DPP10: variants seen among roughly 807,000 people sequenced by gnomAD.
DPP10 encodes inactive dipeptidyl peptidase 10.
In DPP10, 33 loss-of-function variants were observed where a neutral mutation model predicts 120.9. That is an observed-to-expected ratio of 0.27 (90% confidence interval 0.21 to 0.37). DPP10 has a LOEUF of 0.37. DPP10 is among the 10% of genes least tolerant of loss of function. The probability of loss-of-function intolerance (pLI) is 1.00; values close to 1 mark genes in which losing one functional copy is unlikely to be tolerated. For missense variants in DPP10, 816 were observed against 942.8 expected, an observed-to-expected ratio of 0.87 and a Z score of 1.76; for synonymous variants, 337 against 326.1, an observed-to-expected ratio of 1.03 and a Z score of -0.36.
intron 1 of DPP10, among the ~76,000 whole-genome samples, chr2:115,213,153 G>T (rs991242840): frequency 6.6e-6 from 1 of 152,136 alleles, no homozygotes; most frequent in Non-Finnish European, 1.5e-5. Context: ...CTTCACTGAG[G>T]ACTCACTGGA....
chr2:115,673,365 A>T (rs373599254), intron 5 of DPP10, among the ~76,000 whole-genome samples: 17 of 152,352 alleles, frequency 1.1e-4, no homozygotes, highest in Admixed American at 6.5e-4. Context: ...AAGGAATAAC[A>T]TAGGCTAAAA....
chr2:115,750,977 TATA>T (rs1678630312), intron 10 of DPP10, among the ~76,000 whole-genome samples: 1 of 152,148 alleles, frequency 6.6e-6, no homozygotes, highest in Admixed American at 6.6e-5. Flanking sequence ...TTGCACAAAA[TATA>T]ATATTATGGC....
intron 1 of DPP10, among the ~76,000 whole-genome samples, chr2:115,166,105 T>C (rs893927826): frequency 6.6e-6 from 1 of 152,184 alleles, no homozygotes; most frequent in Non-Finnish European, 1.5e-5. Flanking sequence ...ATACAGAAAT[T>C]GGTATTCAGT....
chr2:114,660,828 GTTTAT>G (rs1430934295), intron 1 of DPP10, among the ~76,000 whole-genome samples: 8 of 152,128 alleles, frequency 5.3e-5, no homozygotes, highest in African/African-American at 1.7e-4. Flanking sequence ...GAATTATGAA[GTTTAT>G]TTTATTTGTA....
chr2:114,502,957 A>G (rs1322190186), intron 1 of DPP10, among the ~76,000 whole-genome samples: 1 of 151,564 alleles, frequency 6.6e-6, no homozygotes, highest in Non-Finnish European at 1.5e-5. Context: ...TGAGACAGAC[A>G]GAAGATGACA....
In DPP10 at chr2:115,111,846, T is replaced by A. The variant is rs1006177068; in HGVS notation, c.61-197393T>A. ...TTTTCATTATCCTTCACTGGTAAGT[T>A]AATGAAAAGTAGAAATAATTTTCCT... is the stretch of plus-strand genomic sequence containing the variant. On this transcript the variant is annotated intron_variant, in intron 1 of 25. Transcript: ENST00000410059. Among the ~76,000 whole-genome samples, 5 of 152,352 alleles carry A rather than the reference T, an allele frequency of 3.3e-5. No individual in the cohort carries two copies. The South Asian group carries it at 1.0e-3, about 32-fold the overall frequency.
At chr2:115,029,787 A>G (rs747903230) in intron 1 of DPP10, among the ~76,000 whole-genome samples, 11 of 152,156 alleles carry the variant, frequency 7.2e-5, no homozygotes, top group Non-Finnish European at 1.5e-4. Context: ...ATCTCTTTGC[A>G]TCTTGCTTTT....
chr2:115,253,464 A>G (rs2058840454), intron 1 of DPP10, among the ~76,000 whole-genome samples: 1 of 152,164 alleles, frequency 6.6e-6, no homozygotes, highest in Non-Finnish European at 1.5e-5. Flanking sequence ...CCAAAGTTCC[A>G]TCTGAGACAA....
intron 1 of DPP10, among the ~76,000 whole-genome samples, chr2:114,759,565 T>C (rs1358550608): frequency 6.6e-6 from 1 of 152,122 alleles, no homozygotes; most frequent in Non-Finnish European, 1.5e-5. Flanking sequence ...AGAATTTCTA[T>C]GGAGTTCTTT....
At chr2:114,612,103 A>C (rs1693326546) in intron 1 of DPP10, among the ~76,000 whole-genome samples, 1 of 152,126 alleles carries the variant, frequency 6.6e-6, no homozygotes, top group Non-Finnish European at 1.5e-5. Context: ...TCAAATCCAA[A>C]TTCTACATCA....
intron 1 of DPP10, among the ~76,000 whole-genome samples, chr2:114,849,753 T>A (rs1688808545): frequency 6.6e-6 from 1 of 152,114 alleles, no homozygotes. Context: ...TAAATACTAT[T>A]TCCTAATAGC....
intron 1 of DPP10, among the ~76,000 whole-genome samples, chr2:114,871,980 T>A (rs1181842424): frequency 1.3e-5 from 2 of 152,210 alleles, no homozygotes; most frequent in East Asian, 3.8e-4. Context: ...TAATGCCTGA[T>A]GATCTGAGGT....
At chr2:115,097,589 G>A (rs1008772525) in intron 1 of DPP10, among the ~76,000 whole-genome samples, 12 of 152,026 alleles carry the variant, frequency 7.9e-5, no homozygotes, top group Non-Finnish European at 1.8e-4. Flanking sequence ...ACAGAAATAC[G>A]GCATTAATGA....
chr2:115,768,135 G>GT (rs1681018355), intron 12 of DPP10, among the ~76,000 whole-genome samples, 162 bp from the exon 13 acceptor site: 1 of 151,990 alleles, frequency 6.6e-6, no homozygotes, highest in Non-Finnish European at 1.5e-5. Flanking sequence ...CTTTAAAAAA[G>GT]TTTAAAAAAT....
intron 1 of DPP10, among the ~76,000 whole-genome samples, chr2:115,290,744 A>G (rs2060618189): frequency 6.6e-6 from 1 of 152,134 alleles, no homozygotes; most frequent in Admixed American, 6.5e-5. Flanking sequence ...TTCCCTGTAA[A>G]TCATGGTGCA....
At chr2:115,549,028 C>T (rs1419309095) in intron 5 of DPP10, among the ~76,000 whole-genome samples, 3 of 152,128 alleles carry the variant, frequency 2.0e-5, no homozygotes, top group African/African-American at 7.2e-5. Context: ...TATCAAGGAA[C>T]CCAGCTAATG....
intron 1 of DPP10, among the ~76,000 whole-genome samples, chr2:114,891,656 G>C (rs1453852689): frequency 2.0e-5 from 3 of 152,102 alleles, no homozygotes; most frequent in Non-Finnish European, 4.4e-5. Flanking sequence ...TCAAAAGAGG[G>C]CATAATCAGT....
intron 1 of DPP10, among the ~76,000 whole-genome samples, chr2:114,988,303 C>G (rs1700547265): frequency 6.6e-6 from 1 of 152,136 alleles, no homozygotes; most frequent in African/African-American, 2.4e-5. Flanking sequence ...TATTCAGTAC[C>G]GAAGGTCCAC....
chr2:115,738,888 CT>C (rs1676923736), intron 8 of DPP10, among the ~76,000 whole-genome samples: 1 of 152,088 alleles, frequency 6.6e-6, no homozygotes, highest in Non-Finnish European at 1.5e-5. Context: ...ATTTTATTGT[CT>C]TTTTATTTAC....
Sources: allele counts gnomAD v4.1 joint callset (sites outside exome capture counted in the v4.1 genomes callset), GRCh38; gene constraint gnomAD v4.1.1; transcripts MANE v1.5; gene names NCBI Gene and HGNC (gene_info 2026-07-23, HGNC 2026-07-21).